The following LRP1B variants were observed in gnomAD, a reference collection of about 807,000 sequenced individuals.
LRP1B encodes the protein LDL receptor related protein 1B.
LRP1B carries 217 observed loss-of-function variants against 556.6 expected under a neutral mutation model. That is an observed-to-expected ratio of 0.39 (90% confidence interval 0.35 to 0.44). LRP1B has a LOEUF of 0.44. Among genes scored for constraint, LRP1B ranks in the 20% least tolerant of loss-of-function variants. The pLI, the probability that LRP1B is intolerant of heterozygous loss-of-function variation, is 1.00. For synonymous variants in LRP1B, 2,047 were observed against 1,865.8 expected (o/e 1.10, Z -2.50); for missense variants, 5,053 against 5,620.8 (o/e 0.90, Z 3.23).
intron 3 of LRP1B, among the ~76,000 whole-genome samples, chr2:141,385,055 G>A (rs552269417): frequency 1.1e-4 from 16 of 152,232 alleles, no homozygotes; most frequent in African/African-American, 3.4e-4. Context: ...CGGGGTACCC[G>A]CTGGGTGGTG....
At chr2:141,976,771 A>T (rs1558998428) in intron 1 of LRP1B, among the ~76,000 whole-genome samples, 2 of 152,076 alleles carry the variant, frequency 1.3e-5, no homozygotes, top group Admixed American at 6.6e-5. Flanking sequence ...GTGAGAAGGG[A>T]ATAGTGTTAA....
chr2:140,927,922 T>G (rs1014797663), intron 20 of LRP1B, among the ~76,000 whole-genome samples: 2 of 151,944 alleles, frequency 1.3e-5, no homozygotes, highest in African/African-American at 4.8e-5. Context: ...ATTTTTTGTA[T>G]TTTTGTAGAG....
intron 78 of LRP1B, among the ~76,000 whole-genome samples, chr2:140,335,398 G>A (rs1273974810): frequency 1.3e-5 from 2 of 151,856 alleles, no homozygotes; most frequent in African/African-American, 2.4e-5. Flanking sequence ...CAGGCATACT[G>A]AATGCATAAT....
At chr2:142,062,705 G>T (rs905983804) in intron 1 of LRP1B, among the ~76,000 whole-genome samples, 11 of 151,712 alleles carry the variant, frequency 7.3e-5, no homozygotes, top group Non-Finnish European at 1.5e-4. Flanking sequence ...TATAAAATCA[G>T]ACAATCAGGG....
intron 3 of LRP1B, among the ~76,000 whole-genome samples, chr2:141,269,872 T>C (rs528229858): frequency 6.6e-6 from 1 of 152,194 alleles, no homozygotes; most frequent in Non-Finnish European, 1.5e-5. Flanking sequence ...TAAATACATT[T>C]AAAAAACTTT....
chr2:140,956,753 C>A (rs1695885535), intron 18 of LRP1B, among the ~76,000 whole-genome samples: 1 of 151,630 alleles, frequency 6.6e-6, no homozygotes, highest in Non-Finnish European at 1.5e-5. Context: ...ATGCCACATA[C>A]AAAAAACAAG....
At chr2:141,880,274 G>A (rs1042996453) in intron 1 of LRP1B, among the ~76,000 whole-genome samples, 1 of 151,330 alleles carries the variant, frequency 6.6e-6, no homozygotes, top group Non-Finnish European at 1.5e-5. Context: ...ACAGCTTTGG[G>A]CAAAGAAAAT....
At chr2:141,374,904 T>C (rs1447144428) in intron 3 of LRP1B, among the ~76,000 whole-genome samples, 1 of 152,200 alleles carries the variant, frequency 6.6e-6, no homozygotes, top group Non-Finnish European at 1.5e-5. Flanking sequence ...TGCTGGACCA[T>C]TGTTGTGGTC....
At chr2:140,501,637 C>A (rs759367906) in intron 55 of LRP1B, 50 bp downstream of exon 55, 3 of 1,339,100 alleles carry the variant, frequency 2.2e-6, no homozygotes, top group South Asian at 3.3e-5. Context: ...GCTTTCTTAA[C>A]CTCCAATTCT....
chr2:141,051,630 C>T (rs1235459623), intron 10 of LRP1B, among the ~76,000 whole-genome samples: 1 of 151,962 alleles, frequency 6.6e-6, no homozygotes, highest in Admixed American at 6.6e-5. Flanking sequence ...CATAAATGTG[C>T]CCCAAACCCA....
chr2:140,963,991 C>T (rs1038990518), intron 18 of LRP1B, among the ~76,000 whole-genome samples: 19 of 152,048 alleles, frequency 1.2e-4, no homozygotes, highest in African/African-American at 4.3e-4. Context: ...GCGCGGAGAC[C>T]GGTAGTGGCC....
At chr2:141,604,144 AATGTC>A (rs1221522661) in intron 2 of LRP1B, among the ~76,000 whole-genome samples, 1 of 152,218 alleles carries the variant, frequency 6.6e-6, no homozygotes, top group East Asian at 1.9e-4. Flanking sequence ...GGTCCATGGA[AATGTC>A]ATTTTTTATA....
rs1393065683 is a variant in LRP1B at position 141,910,719 on chromosome 2, CA to C, written c.83-100319del. Among the ~76,000 whole-genome samples, 15 of 152,078 alleles carry C rather than the reference CA, an allele frequency of 9.9e-5. No individual in the cohort carries two copies. The South Asian group carries it at 3.1e-3, about 32-fold the overall frequency. On this transcript the variant is annotated intron_variant, in intron 1 of 90. Coordinates refer to ENST00000389484, the MANE Select transcript of LRP1B (RefSeq NM_018557.3). ...TTGCTAAGTGAGAAGTGAAACACACCAGTTTTTCTATACGATTTTAATCATA... is the reference window on the plus strand; with the variant it reads ...TTGCTAAGTGAGAAGTGAAACACACCGTTTTTCTATACGATTTTAATCATA...
chr2:140,610,480 TGAGAGCAC>T (rs1683030481), intron 41 of LRP1B, among the ~76,000 whole-genome samples: 1 of 152,346 alleles, frequency 6.6e-6, no homozygotes, highest in East Asian at 1.9e-4. Context: ...TATAGAAGAA[TGAGAGCAC>T]AAACTCTGGT....
rs140806950 is a variant in LRP1B, at chr2:141,412,011, A to T, written c.343+68385T>A. Reference sequence around the variant, plus strand: ...TACTAGATTGTCTTGAAATATAAAAAGGAACTATTACATTATTTTAAAATT... The same window carrying T: ...TACTAGATTGTCTTGAAATATAAAATGGAACTATTACATTATTTTAAAATT... On this transcript the variant is annotated intron_variant, in intron 3 of 90. Coordinates refer to ENST00000389484, the MANE Select transcript of LRP1B (RefSeq NM_018557.3). Among the ~76,000 whole-genome samples, 781 of 152,224 alleles carry T rather than the reference A, an allele frequency of 5.1e-3. 8 individuals carry two copies. The highest frequency in any genetic ancestry group is 0.018 in the African/African-American group (761 of 41,536).
chr2:141,336,983 G>A (rs1687869645), intron 3 of LRP1B, among the ~76,000 whole-genome samples: 1 of 152,104 alleles, frequency 6.6e-6, no homozygotes, highest in Non-Finnish European at 1.5e-5. Context: ...TTAGTTATGA[G>A]TACAGTTACT....
intron 3 of LRP1B, among the ~76,000 whole-genome samples, chr2:141,310,959 C>T (rs1686791647): frequency 6.6e-6 from 1 of 152,124 alleles, no homozygotes; most frequent in Non-Finnish European, 1.5e-5. Flanking sequence ...GAAAATGTGA[C>T]ATCATTAAGA....
rs759113838 is a variant in LRP1B, at chr2:140,722,388, G to A, written c.5759-5572C>T. Among the ~76,000 whole-genome samples the A allele has an allele frequency of 7.9e-4, 120 of 152,106 alleles. 1 individual carries two copies. Among genetic ancestry groups the A allele is most frequent in the Non-Finnish European group, 2.9e-4 (20 of 68,026 alleles). On this transcript the variant is annotated intron_variant, in intron 35 of 90. Transcript: ENST00000389484. The stretch of plus-strand genomic sequence containing the variant: ...CTGAGATATATGAGTGATACCTTTA[G>A]TAGATAGGGTTTATTTTAATGCATT...
chr2:140,805,399 A>G (rs745572725), intron 32 of LRP1B, among the ~76,000 whole-genome samples: 3 of 152,144 alleles, frequency 2.0e-5, no homozygotes, highest in Non-Finnish European at 4.4e-5. Flanking sequence ...AGGATAGCCA[A>G]TTGCAAGTGA....
Sources: gnomAD v4.1 joint callset for allele counts (sites outside exome capture counted in the v4.1 genomes callset) on GRCh38, gnomAD v4.1.1 for gene constraint, MANE v1.5 for transcripts, NCBI Gene and HGNC (gene_info 2026-07-23, HGNC 2026-07-21) for gene names.